Variants in PRAG1 observed in about 807,000 individuals in gnomAD.
PRAG1 encodes the protein inactive tyrosine-protein kinase PRAG1.
Under a neutral mutation model 95.6 loss-of-function variants are expected in PRAG1, and 110 were observed. The ratio of observed to expected loss-of-function variants is 1.15; its 90% CI spans 0.99 to 1.35. The LOEUF (loss-of-function observed/expected upper bound fraction) is 1.35, where lower values mean the gene tolerates loss of function less well. Ranked by LOEUF, PRAG1 falls within the 40% of genes most tolerant of loss-of-function variation. The pLI, the probability that PRAG1 is intolerant of heterozygous loss-of-function variation, is 0.00. For synonymous variants in PRAG1, 1,052 were observed against 819.4 expected (o/e 1.28, Z -4.85); for missense variants, 2,554 against 1,864.7 (o/e 1.37, Z -6.81).
At chr8:8,337,441 A>G (rs1799025386) in intron 4 of PRAG1, among the ~76,000 whole-genome samples, 1 of 152,208 alleles carries the variant, frequency 6.6e-6, no homozygotes, top group Admixed American at 6.5e-5. Context: ...CTCCAGATTA[A>G]TGATTAATGT....
intron 4 of PRAG1, among the ~76,000 whole-genome samples, chr8:8,336,769 T>A (rs755942704): frequency 6.6e-6 from 1 of 151,782 alleles, no homozygotes; most frequent in African/African-American, 2.4e-5. Context: ...GAAATTAACA[T>A]TGACACAAAA....
At chr8:8,323,753 A>G (rs756202509) in intron 5 of PRAG1, among the ~76,000 whole-genome samples, 1 of 152,054 alleles carries the variant, frequency 6.6e-6, no homozygotes, top group African/African-American at 2.4e-5. Context: ...AGTCAATTAA[A>G]TCTCTTTCCC....
rs780034119 is a variant in PRAG1, at chr8:8,376,830, C to T, written c.1579G>A (p.Glu527Lys). 3 of 1,612,544 alleles carry T rather than the reference C, an allele frequency of 1.9e-6. No individual in the cohort carries two copies. The highest frequency in any genetic ancestry group is 2.5e-6 in the Non-Finnish European group (3 of 1,179,938). The change falls in exon 3 of 6, where the codon GAA becomes AAA. Residue 527 changes from glutamate (E) to lysine (K), a missense_variant. Physicochemically the swap from Glu to Lys is moderately conservative, Grantham distance 56. Coordinates refer to ENST00000615670, the MANE Select transcript of PRAG1 (RefSeq NM_001080826.3). Reference sequence around the variant, plus strand: ...TCGCTGGCACTGTGAGCATGGCTTTCCCTGGAGCTCAGCCCCTGCCCAGCC... The same window carrying T: ...TCGCTGGCACTGTGAGCATGGCTTTTCCTGGAGCTCAGCCCCTGCCCAGCC... ...TSAGQGLSSR[E>K]SHAHSASESK... is the part of the protein sequence containing the mutation.
intron 3 of PRAG1, among the ~76,000 whole-genome samples, chr8:8,354,300 C>A (rs1799619686): frequency 1.3e-5 from 2 of 151,834 alleles, no homozygotes; most frequent in African/African-American, 2.4e-5. Flanking sequence ...ACGAAGAAAA[C>A]CCCAGGACCA....
rs932380837 is a variant in PRAG1, at chr8:8,375,479, C to T, written c.2162+768G>A. Among the ~76,000 whole-genome samples, 10 of 152,090 alleles carry T rather than the reference C, an allele frequency of 6.6e-5. No homozygotes were observed. In the South Asian group the frequency reaches 1.0e-3, roughly 16 times the overall value. ...CCTCCCAAAGTGCTGAGATTACAGG[C>T]GTGAGCCACCACGCCCAGCCCCATT... On this transcript the variant is annotated intron_variant, in intron 3 of 5. Coordinates refer to ENST00000615670, the MANE Select transcript of PRAG1 (RefSeq NM_001080826.3).
chr8:8,371,686 A>C (rs943726587), intron 3 of PRAG1, among the ~76,000 whole-genome samples: 3 of 152,080 alleles, frequency 2.0e-5, no homozygotes, highest in Admixed American at 2.0e-4. Flanking sequence ...CCTGGGAAAC[A>C]TGGTGAAACT....
chr8:8,366,925 G>C (rs1800026730), intron 3 of PRAG1, among the ~76,000 whole-genome samples: 1 of 152,170 alleles, frequency 6.6e-6, no homozygotes, highest in Admixed American at 6.5e-5. Context: ...TGATTCTCCT[G>C]CTTCCCAAAA....
intron 3 of PRAG1, among the ~76,000 whole-genome samples, chr8:8,367,524 G>A (rs934796396): frequency 7.5e-5 from 10 of 134,040 alleles, no homozygotes; most frequent in Admixed American, 1.6e-4. Context: ...ATGCCACCAC[G>A]CTGACTGCTT....
Position 8,327,729 on chromosome 8 carries a change from C to T in PRAG1, c.3053G>A (p.Gly1018Asp), listed in dbSNP as rs745866647. The change falls in exon 5 of 6, where the codon GGC (glycine) becomes GAC (aspartate). Residue 1018 changes from glycine to aspartate, a missense_variant. Physicochemically the swap from Gly to Asp is moderately conservative, Grantham distance 94. Transcript: ENST00000615670. ...ACCTACTTTCACAGCATAGGTGCTGCCGGGGTCCTCAGAGCAGGTGGCACA... is the reference window on the plus strand; with the variant it reads ...ACCTACTTTCACAGCATAGGTGCTGTCGGGGTCCTCAGAGCAGGTGGCACA... ...YYCATCSEDP[G>D]STYAVKICKA... 2.5e-6 allele frequency: 4 copies of T among 1,613,330 alleles called. No homozygotes were observed. Among genetic ancestry groups the T allele is most frequent in the Admixed American group, 1.7e-5 (1 of 59,988 alleles).
chr8:8,350,006 T>C (rs1170641929), intron 3 of PRAG1, among the ~76,000 whole-genome samples: 1 of 151,718 alleles, frequency 6.6e-6, no homozygotes. Context: ...ACATTTCGGT[T>C]ACTAGTTGGT....
Position 8,328,419 on chromosome 8 carries a change from T to C in PRAG1, c.2363A>G (p.Lys788Arg). The C allele has an allele frequency of 1.2e-6, 2 of 1,613,748 alleles. No homozygotes were observed. Among genetic ancestry groups the C allele is most frequent in the Non-Finnish European group, 1.7e-6 (2 of 1,180,002 alleles). The change falls in exon 5 of 6, where the codon AAG becomes AGG. Residue 788 changes from lysine to arginine, a missense_variant. Transcript: ENST00000615670. Reference sequence around the variant, plus strand: ...AAACGGAACGGGAGCAAAGAGCTTCTTCCCGCTGTTGGTGGGCGAGTGAGC... The same window carrying C: ...AAACGGAACGGGAGCAAAGAGCTTCCTCCCGCTGTTGGTGGGCGAGTGAGC... The part of the protein sequence containing the change: ...ELAHSPTNSG[K>R]KLFAPVPFPS...
intron 2 of PRAG1, among the ~76,000 whole-genome samples, chr8:8,380,177 A>T (rs889665754): frequency 1.3e-5 from 2 of 152,322 alleles, no homozygotes; most frequent in Non-Finnish European, 2.9e-5. Context: ...TAGGAGGCTG[A>T]GACAGGAGGA....
At chr8:8,345,016 C>T (rs1490460131) in intron 3 of PRAG1, among the ~76,000 whole-genome samples, 5 of 150,874 alleles carry the variant, frequency 3.3e-5, no homozygotes, top group African/African-American at 4.9e-5. Flanking sequence ...ATTAGTCTAT[C>T]CCTGTGATTA....
intron 3 of PRAG1, among the ~76,000 whole-genome samples, chr8:8,371,408 C>G (rs1381421360): frequency 6.6e-6 from 1 of 151,812 alleles, no homozygotes; most frequent in Non-Finnish European, 1.5e-5. Context: ...CTACTGGCGC[C>G]CGCCATCACG....
chr8:8,367,689 T>A (rs1019928409), intron 3 of PRAG1, among the ~76,000 whole-genome samples: 5 of 151,684 alleles, frequency 3.3e-5, no homozygotes, highest in Non-Finnish European at 5.9e-5. Flanking sequence ...TCACCCAGGC[T>A]GGAGTGCAGT....
chr8:8,370,499 T>C (rs1401020468), intron 3 of PRAG1, among the ~76,000 whole-genome samples: 2 of 152,210 alleles, frequency 1.3e-5, no homozygotes, highest in Non-Finnish European at 2.9e-5. Context: ...ATACAAACTG[T>C]GATTTTCAAA....
chr8:8,380,802 G>A (rs1366140793), intron 2 of PRAG1, among the ~76,000 whole-genome samples: 1 of 137,482 alleles, frequency 7.3e-6, no homozygotes, highest in East Asian at 2.1e-4. Context: ...GCAGTGAGCT[G>A]AGATCGCACC....
At chr8:8,375,273 G>A (rs1800348339) in intron 3 of PRAG1, among the ~76,000 whole-genome samples, 1 of 150,574 alleles carries the variant, frequency 6.6e-6, no homozygotes, top group African/African-American at 2.5e-5. Flanking sequence ...GCACCATCTC[G>A]GCTCACTGCA....
rs1395624733 is a variant in PRAG1 at position 8,381,437 on chromosome 8, A to T, written c.311T>A (p.Leu104Gln). Residue 104 changes from leucine to glutamine, a missense_variant, in exon 2 of 6, where the codon CTG becomes CAG. Coordinates refer to ENST00000615670, the MANE Select transcript of PRAG1 (RefSeq NM_001080826.3). ...EASDVWTEAN[L>Q]SAEVSQVIWR... ...CCTCACCTGCGAGACTTCGGCACTCAGGTTGGCCTCTGTCCACACATCAGA... is the reference window on the plus strand; with the variant it reads ...CCTCACCTGCGAGACTTCGGCACTCTGGTTGGCCTCTGTCCACACATCAGA... 1 of 1,607,278 alleles carries T rather than the reference A, an allele frequency of 6.2e-7. No homozygotes were observed. Among genetic ancestry groups the T allele is most frequent in the East Asian group, 2.2e-5 (1 of 44,682 alleles).
Sources: allele counts gnomAD v4.1 joint callset (sites outside exome capture counted in the v4.1 genomes callset), GRCh38; gene constraint gnomAD v4.1.1; transcripts MANE v1.5; gene names NCBI Gene and HGNC (gene_info 2026-07-23, HGNC 2026-07-21).